The following GJA1 variants were observed in gnomAD, a reference collection of about 807,000 sequenced individuals.
The protein encoded by GJA1 is gap junction alpha-1 protein.
GJA1 carries 9 observed loss-of-function variants against 31.0 expected under a neutral mutation model. The ratio of observed to expected loss-of-function variants is 0.29; its 90% CI spans 0.17 to 0.51. GJA1 has a LOEUF of 0.51. GJA1 is among the 20% of genes least tolerant of loss of function. GJA1 has a pLI of 0.98. For synonymous variants in GJA1, 186 were observed against 180.1 expected (o/e 1.03, Z -0.26); for missense variants, 278 against 468.8 (o/e 0.59, Z 3.76).
At chr6:121,437,354 C>CTT (rs113246353) in intron 1 of GJA1, among the ~76,000 whole-genome samples, 2,702 of 133,968 alleles carry the variant, frequency 0.02, 85 homozygotes, top group African/African-American at 0.068. Context: ...CACACCAGCC[C>CTT]TTTTTTTTTT....
intron 1 of GJA1, among the ~76,000 whole-genome samples, chr6:121,442,224 C>T (rs1773806333): frequency 6.6e-6 from 1 of 152,134 alleles, no homozygotes; most frequent in Non-Finnish European, 1.5e-5. Context: ...ACATTTGTCT[C>T]TTCTTGAGAA....
chr6:121,447,138 C>A lies in GJA1; in HGVS notation c.291C>A (p.Phe97Leu). 6.2e-7 allele frequency: 1 copy of A among 1,613,858 alleles called. No individual in the cohort carries two copies. Among genetic ancestry groups the A allele is most frequent in the Non-Finnish European group, 8.5e-7 (1 of 1,179,862 alleles). Reference protein sequence around the residue: ...VPTLLYLAHVFYVMRKEEKLN... With the variant: ...VPTLLYLAHVLYVMRKEEKLN... The stretch of plus-strand genomic sequence containing the variant: ...CACTCTTGTACCTGGCTCATGTGTT[C>A]TATGTGATGCGAAAGGAAGAGAAAC... Residue 97 changes from phenylalanine (F) to leucine (L), a missense_variant, in exon 2 of 2, where the codon TTC becomes TTA. This residue lies in a region of GJA1 where 80 missense variants were observed against 163.5 expected (regional missense o/e 0.49). Transcript: ENST00000282561.
chr6:121,436,240 A>C (rs1404579631), intron 1 of GJA1, among the ~76,000 whole-genome samples: 1 of 149,764 alleles, frequency 6.7e-6, no homozygotes, highest in Non-Finnish European at 1.5e-5. Context: ...ACATCGGAAA[A>C]ATCAAAGTGC....
At chr6:121,442,259 T>C (rs1773806885) in intron 1 of GJA1, among the ~76,000 whole-genome samples, 1 of 152,234 alleles carries the variant, frequency 6.6e-6, no homozygotes, top group Non-Finnish European at 1.5e-5. Context: ...GATAGTAAAA[T>C]ACTTAATTCT....
rs1323675526 is a variant in GJA1, at chr6:121,447,805, A to G, written c.958A>G (p.Met320Val). 1 of 1,613,916 alleles carries G rather than the reference A, an allele frequency of 6.2e-7. No individual in the cohort carries two copies. Residue 320 changes from methionine to valine, a missense_variant, in exon 2 of 2, where the codon ATG becomes GTG. Physicochemically the swap from Met to Val is conservative, Grantham distance 21. Coordinates refer to ENST00000282561, the MANE Select transcript of GJA1 (RefSeq NM_000165.5). ...TAATTACAGTGCAGAACAAAATCGA[A>G]TGGGGCAGGCGGGAAGCACCATCTC... is the stretch of plus-strand genomic sequence containing the variant. ...WANYSAEQNR[M>V]GQAGSTISNS...
At chr6:121,440,513 T>A (rs1773753021) in intron 1 of GJA1, among the ~76,000 whole-genome samples, 1 of 150,486 alleles carries the variant, frequency 6.6e-6, no homozygotes, top group Non-Finnish European at 1.5e-5. Context: ...CACTTGAAAA[T>A]TTAACAGTAT....
chr6:121,440,918 G>A (rs1244567051), intron 1 of GJA1, among the ~76,000 whole-genome samples: 1 of 127,108 alleles, frequency 7.9e-6, no homozygotes, highest in Non-Finnish European at 1.6e-5. Context: ...CTTTTTTGTT[G>A]TTGTTGTTGT....
At position 121,447,576 on chromosome 6, in the gene GJA1, G is replaced by C. The variant is rs550138040; in HGVS notation, c.729G>C (p.Lys243Asn). Reference sequence around the variant, plus strand: ...GCGTTAAGGATCGGGTTAAGGGAAAGAGCGACCCTTACCATGCGACCAGTG... The same window carrying C: ...GCGTTAAGGATCGGGTTAAGGGAAACAGCGACCCTTACCATGCGACCAGTG... Reference protein sequence around the residue: ...FKGVKDRVKGKSDPYHATSGA... With the variant: ...FKGVKDRVKGNSDPYHATSGA... The change falls in exon 2 of 2, where the codon AAG becomes AAC. Residue 243 changes from lysine to asparagine, a missense_variant. By Grantham distance (94) the Lys-to-Asn change is moderately conservative. Around this residue, in one of 3 missense-constraint regions of GJA1, gnomAD observed 172 missense variants for 190.9 expected, o/e 0.90. Coordinates refer to ENST00000282561, the MANE Select transcript of GJA1 (RefSeq NM_000165.5). 1.2e-6 allele frequency: 2 copies of C among 1,613,998 alleles called. No homozygotes were observed. Among genetic ancestry groups the C allele is most frequent in the South Asian group, 2.2e-5 (2 of 91,064 alleles).
chr6:121,438,715 CTA>C (rs1269062468), intron 1 of GJA1, among the ~76,000 whole-genome samples: 2 of 152,138 alleles, frequency 1.3e-5, no homozygotes, highest in Non-Finnish European at 2.9e-5. Flanking sequence ...AAGTAATTAT[CTA>C]GTGTTTATTA....
intron 1 of GJA1, among the ~76,000 whole-genome samples, chr6:121,444,604 T>C (rs1773853281): frequency 6.6e-6 from 1 of 152,150 alleles, no homozygotes; most frequent in Admixed American, 6.5e-5. Flanking sequence ...TTCATTTACT[T>C]CCTACAAGGA....
chr6:121,440,398 G>A (rs1177674329), intron 1 of GJA1, among the ~76,000 whole-genome samples: 1 of 152,080 alleles, frequency 6.6e-6, no homozygotes, highest in Non-Finnish European at 1.5e-5. Flanking sequence ...AAATTTAGCA[G>A]TGGGGGTTGC....
chr6:121,447,636 A>G lies in GJA1; in HGVS notation c.789A>G (p.Gln263=). ...GCCCTGCCAAAGACTGTGGGTCTCA[A>G]AAATATGCTTATTTCAATGGCTGCT... is the stretch of plus-strand genomic sequence containing the variant. The part of the protein sequence containing the change: ...ALSPAKDCGS[Q]KYAYFNGCSS... The change falls in exon 2 of 2, where the codon CAA becomes CAG. Residue 263 remains glutamine, a synonymous_variant. Transcript: ENST00000282561. 6.2e-7 allele frequency: 1 copy of G among 1,613,984 alleles called. No individual in the cohort carries two copies. The highest frequency in any genetic ancestry group is 8.5e-7 in the Non-Finnish European group (1 of 1,179,982).
intron 1 of GJA1, among the ~76,000 whole-genome samples, chr6:121,440,871 A>G (rs1773763499): frequency 6.6e-6 from 1 of 151,962 alleles, no homozygotes; most frequent in Admixed American, 6.5e-5. Flanking sequence ...CCTCCAGAGT[A>G]GCTGGGATTA....
intron 1 of GJA1, among the ~76,000 whole-genome samples, chr6:121,439,130 T>C (rs987825891): frequency 1.3e-5 from 2 of 152,232 alleles, no homozygotes; most frequent in African/African-American, 4.8e-5. Flanking sequence ...AGACCCCACC[T>C]CTATAAAAAA....
chr6:121,444,173 C>T (rs544657354), intron 1 of GJA1, among the ~76,000 whole-genome samples: 3 of 152,236 alleles, frequency 2.0e-5, no homozygotes, highest in African/African-American at 7.2e-5. Context: ...CTTTGTCAGC[C>T]TTTCAAGCCT....
rs771042540 is a variant in GJA1, at chr6:121,448,294, C to T, written c.*298C>T. 2.2e-6 allele frequency: 1 copy of T among 448,242 alleles called. No homozygotes were observed. The highest frequency in any genetic ancestry group is 3.5e-5 in the Admixed American group (1 of 28,240). 27.8% of individuals were successfully genotyped at this position (448,242 alleles called of 1,614,324 possible). The stretch of plus-strand genomic sequence containing the variant: ...TGATACATAGATAAGGGCTTTTTCT[C>T]CCCGCAAACACCCCTAAGAATGGTT... On this transcript the variant is annotated 3_prime_UTR_variant, in exon 2 of 2. Transcript: ENST00000282561.
In GJA1 at chr6:121,448,165, G is replaced by A; in HGVS notation, c.*169G>A. 1 of 695,324 alleles carries A rather than the reference G, an allele frequency of 1.4e-6. No individual in the cohort carries two copies. 43.1% of individuals were successfully genotyped at this position (695,324 alleles called of 1,614,324 possible). On this transcript the variant is annotated 3_prime_UTR_variant, in exon 2 of 2. Coordinates refer to ENST00000282561, the MANE Select transcript of GJA1 (RefSeq NM_000165.5). ...TAGAATACCTAGGTTCACTGGGGGTGTATGGGGTAGATGGGTGGAGAGGGA... is the reference window on the plus strand; with the variant it reads ...TAGAATACCTAGGTTCACTGGGGGTATATGGGGTAGATGGGTGGAGAGGGA...
At chr6:121,439,168 T>C (rs1349255079) in intron 1 of GJA1, among the ~76,000 whole-genome samples, 2 of 152,142 alleles carry the variant, frequency 1.3e-5, no homozygotes, top group Non-Finnish European at 2.9e-5. Context: ...TGTATGTTTG[T>C]CAATCATTTC....
At chr6:121,440,935 TG>T (rs879817830) in intron 1 of GJA1, among the ~76,000 whole-genome samples, 4,570 of 149,924 alleles carry the variant, frequency 0.03, 149 homozygotes, top group African/African-American at 0.077. Context: ...TTGTTGTTGT[TG>T]TTGTTGTTTG....
Sources: allele counts gnomAD v4.1 joint callset (sites outside exome capture counted in the v4.1 genomes callset), GRCh38; gene constraint gnomAD v4.1.1; regional missense constraint gnomAD v4.1.1; transcripts MANE v1.5; gene names NCBI Gene and HGNC (gene_info 2026-07-23, HGNC 2026-07-21).